Variants in NOTCH1 observed in about 807,000 individuals in gnomAD.
NOTCH1 encodes notch receptor 1, also known as neurogenic locus notch homolog protein 1.
A neutral mutation model predicts 254.8 loss-of-function variants in NOTCH1; 37 were observed. The ratio of observed to expected loss-of-function variants is 0.15; its 90% CI spans 0.11 to 0.19. NOTCH1 has a LOEUF of 0.19. NOTCH1 is among the 10% of genes least tolerant of loss of function. The probability of loss-of-function intolerance (pLI) is 1.00; values close to 1 mark genes in which losing one functional copy is unlikely to be tolerated. For missense variants in NOTCH1, 2,972 were observed against 3,708.6 expected (o/e 0.80, Z 5.16); for synonymous variants, 1,731 against 1,618.1 (o/e 1.07, Z -1.68).
chr9:136,513,137 G>A lies in NOTCH1; in HGVS notation c.2354-3C>T, dbSNP rs111351250. 1 of 1,609,258 alleles carries A rather than the reference G, an allele frequency of 6.2e-7. No individual in the cohort carries two copies. On this transcript the variant is annotated splice_polypyrimidine_tract_variant and splice_region_variant and intron_variant, in intron 14 of 33. Transcript: ENST00000651671. This position sits in a 1 kb window ranked among gnomAD's most constrained non-coding sequence, Gnocchi z 4.7. ...GATGTTGGTCTGGCAGTTGGGACCT[G>A]GAGGGAAGGGGACAGCACTCGGCAT...
Position 136,523,906 on chromosome 9 carries a change from C to T in NOTCH1, c.214G>A (p.Gly72Arg), listed in dbSNP as rs892114222. The T allele has an allele frequency of 4.4e-6, 7 of 1,604,640 alleles. No homozygotes were observed. The highest frequency in any genetic ancestry group is 1.1e-5 in the South Asian group (1 of 89,596). The change falls in exon 3 of 34, where the codon GGG becomes AGG. Residue 72 changes from glycine to arginine, a missense_variant. This residue lies in a region of NOTCH1 where 374 missense variants were observed against 496.3 expected (regional missense o/e 0.75). Coordinates refer to ENST00000651671, the MANE Select transcript of NOTCH1 (RefSeq NM_017617.5). The stretch of plus-strand genomic sequence containing the variant: ...CTGCGGTCCACCACGTGGCATGTCC[C>T]GGCGTTCTTGCAGGGGGTGCTGAGG... ...PCLSTPCKNA[G>R]TCHVVDRRGV...
rs1842904609 is a variant in NOTCH1, at chr9:136,495,741, T to C, written c.*330A>G. 2 of 410,590 alleles carry C rather than the reference T, an allele frequency of 4.9e-6. No individual in the cohort carries two copies. The highest frequency in any genetic ancestry group is 8.6e-6 in the Non-Finnish European group (2 of 232,270). 25.4% of individuals were successfully genotyped at this position (410,590 alleles called of 1,614,324 possible). ...ATAAATAAATGGCATTTATAAATCA[T>C]GAATCTTTGTTTATATTTTATAAAC... On this transcript the variant is annotated 3_prime_UTR_variant, in exon 34 of 34. Transcript: ENST00000651671.
At chr9:136,507,108 C>T (rs371395062) in intron 22 of NOTCH1, 135 bp from the exon 23 acceptor site, 3 of 1,463,078 alleles carry the variant, frequency 2.1e-6, no homozygotes, top group Non-Finnish European at 1.9e-6. Flanking sequence ...TCAAGGGTGC[C>T]GTGGAGACGC....
chr9:136,523,844 G>A lies in NOTCH1; in HGVS notation c.276C>T (p.Gly92=), dbSNP rs751046060. ...VADYACSCAL[G]FSGPLCLTPL... is the part of the protein sequence containing the mutation. ...GTGTCAGGCAGAGGGGCCCAGAGAA[G>A]CCCAGGGCACAGCTGCAGGCATAGT... The change falls in exon 3 of 34, where the codon GGC becomes GGT. Residue 92 remains glycine, a synonymous_variant. Coordinates refer to ENST00000651671, the MANE Select transcript of NOTCH1 (RefSeq NM_017617.5). 2 of 1,611,986 alleles carry A rather than the reference G, an allele frequency of 1.2e-6. No homozygotes were observed. The highest frequency in any genetic ancestry group is 1.1e-5 in the South Asian group (1 of 90,920).
chr9:136,497,024 C>T lies in NOTCH1; in HGVS notation c.6715G>A (p.Asp2239Asn), dbSNP rs747504082. ...AGGTGCCCGATGCCCAGGTGGGTGT[C>T]GGGCATCCCAGGCAGGTGGTTGAGG... ...VPLNHLPGMP[D>N]THLGIGHLNV... The change falls in exon 34 of 34, where the codon GAC (aspartate) becomes AAC (asparagine). Residue 2239 changes from aspartate (D) to asparagine (N), a missense_variant. By Grantham distance (23) the Asp-to-Asn change is conservative. Coordinates refer to ENST00000651671, the MANE Select transcript of NOTCH1 (RefSeq NM_017617.5). 29 of 1,609,294 alleles carry T rather than the reference C, an allele frequency of 1.8e-5. No individual in the cohort carries two copies. The highest frequency in any genetic ancestry group is 1.1e-4 in the East Asian group (5 of 44,812).
chr9:136,528,086 G>A (rs914664980), intron 2 of NOTCH1, among the ~76,000 whole-genome samples: 3 of 151,910 alleles, frequency 2.0e-5, no homozygotes, highest in Non-Finnish European at 4.4e-5. Context: ...ACCCCCAGGG[G>A]ACAGAAGACA....
At position 136,517,392 on chromosome 9, in the gene NOTCH1, G is replaced by A. The variant is rs1410661374; in HGVS notation, c.1442-7C>T. ...CAGTGCACACCCTCGTAGCCTGTGGGGTGGGGCAACAGTGAGGGGGGCACG... is the reference window on the plus strand; with the variant it reads ...CAGTGCACACCCTCGTAGCCTGTGGAGTGGGGCAACAGTGAGGGGGGCACG... On this transcript the variant is annotated splice_polypyrimidine_tract_variant and splice_region_variant and intron_variant, in intron 8 of 33. Transcript: ENST00000651671. 1.9e-6 allele frequency: 3 copies of A among 1,580,372 alleles called. No individual in the cohort carries two copies. Among genetic ancestry groups the A allele is most frequent in the African/African-American group, 1.4e-5 (1 of 74,046 alleles).
chr9:136,501,810 G>A lies in NOTCH1; in HGVS notation c.5576C>T (p.Ala1859Val), dbSNP rs1266401977. 2.5e-6 allele frequency: 4 copies of A among 1,612,640 alleles called. No individual in the cohort carries two copies. In the East Asian group the frequency reaches 6.7e-5, roughly 27 times the overall value. Reference protein sequence around the residue: ...DAADLRMSAMAPTPPQGEVDA... With the variant: ...DAADLRMSAMVPTPPQGEVDA... The stretch of plus-strand genomic sequence containing the variant: ...AACCTCACCCTGGGGCGGTGTGGGG[G>A]CCATGGCAGACATGCGCAGGTCAGC... The change falls in exon 30 of 34, where the codon GCC becomes GTC. Residue 1859 changes from alanine (A) to valine (V), a missense_variant. This residue lies in a region of NOTCH1 where 421 missense variants were observed against 604.4 expected (regional missense o/e 0.70). Transcript: ENST00000651671.
rs561404862 is a variant in NOTCH1, at chr9:136,506,706, C to T, written c.3901+10G>A. ...CCCACACGCCCCACCCGCCTGGGCG[C>T]GGCACCCACCGGTGTGACCAGCACG... is the stretch of plus-strand genomic sequence containing the variant. On this transcript the variant is annotated intron_variant, in intron 23 of 33. Coordinates refer to ENST00000651671, the MANE Select transcript of NOTCH1 (RefSeq NM_017617.5). This position sits in a 1 kb window ranked among gnomAD's most constrained non-coding sequence, Gnocchi z 4.5. 2.5e-5 allele frequency: 40 copies of T among 1,595,908 alleles called. No individual in the cohort carries two copies. Among genetic ancestry groups the T allele is most frequent in the East Asian group, 6.8e-5 (3 of 43,988 alleles).
intron 15 of NOTCH1, among the ~76,000 whole-genome samples, chr9:136,512,804 C>A (rs1272058291): frequency 6.6e-6 from 1 of 152,292 alleles, no homozygotes; most frequent in South Asian, 2.1e-4. Flanking sequence ...AGAAGGCCCA[C>A]ATACTGCAGG....
chr9:136,538,049 C>T (rs1044884369), intron 2 of NOTCH1, among the ~76,000 whole-genome samples: 1 of 152,186 alleles, frequency 6.6e-6, no homozygotes, highest in Non-Finnish European at 1.5e-5. Flanking sequence ...CACTCTAATC[C>T]AGTCTGGGTG....
rs780769573 is a variant in NOTCH1, at chr9:136,518,156, G to A, written c.1236C>T (p.Asp412=). Reference sequence around the variant, plus strand: ...ACCTACCCAGCGAGCACTCATCCACGTCCTGGCTGCAGGCCGGGCCCGTGT... The same window carrying A: ...ACCTACCCAGCGAGCACTCATCCACATCCTGGCTGCAGGCCGGGCCCGTGT... The part of the protein sequence containing the change: ...SGYTGPACSQ[D]VDECSLGANP... The change falls in exon 7 of 34, where the codon GAC becomes GAT. Residue 412 remains aspartate, a synonymous_variant. Coordinates refer to ENST00000651671, the MANE Select transcript of NOTCH1 (RefSeq NM_017617.5). 16 of 1,593,238 alleles carry A rather than the reference G, an allele frequency of 1.0e-5. No homozygotes were observed. Among genetic ancestry groups the A allele is most frequent in the African/African-American group, 8.0e-5 (6 of 74,542 alleles).
At chr9:136,516,151 G>A in intron 9 of NOTCH1, 57 bp from the exon 10 acceptor site, 10 of 1,346,330 alleles carry the variant, frequency 7.4e-6, no homozygotes, top group Non-Finnish European at 1.0e-5. Context: ...TGGCCCTTCA[G>A]GGACCCCTGG....
Position 136,506,527 on chromosome 9 carries a change from C to A in NOTCH1, c.4014G>T (p.Ala1338=), listed in dbSNP as rs377217445. The stretch of plus-strand genomic sequence containing the variant: ...TGCCTCCCTGCACCCCTGCACCTAC[C>A]GCAGGGCACTTGCAGATGAACCCGC... ...TARGFICKCP[A]GFEGATCEND... Residue 1338 remains alanine (A), a splice_region_variant and synonymous_variant, in exon 24 of 34, where the codon GCG becomes GCT. Transcript: ENST00000651671. The surrounding 1 kb of genome is among the most constrained non-coding windows in gnomAD (Gnocchi z 4.5). 2 of 1,593,012 alleles carry A rather than the reference C, an allele frequency of 1.3e-6. No individual in the cohort carries two copies. The highest frequency in any genetic ancestry group is 1.7e-5 in the Admixed American group (1 of 57,306).
At chr9:136,542,544 C>CAAAAA (rs1174860714) in intron 2 of NOTCH1, among the ~76,000 whole-genome samples, 1 of 52,498 alleles carries the variant, frequency 1.9e-5, no homozygotes, top group Non-Finnish European at 4.2e-5. Flanking sequence ...CCCCAAAAAG[C>CAAAAA]AAAAAAAAAA....
chr9:136,500,490 T>G, intron 31 of NOTCH1, 62 bp downstream of exon 31: 1 of 1,592,312 alleles, frequency 6.3e-7, no homozygotes, highest in South Asian at 1.1e-5. Context: ...GCCTGGCCAC[T>G]GCCCCAGACC....
intron 33 of NOTCH1, 112 bp from the exon 34 acceptor site, chr9:136,497,670 G>A: frequency 2.3e-6 from 2 of 873,754 alleles, no homozygotes; most frequent in Non-Finnish European, 3.4e-6. Context: ...CGGGGTGGGG[G>A]CAGGCAGGCT....
At chr9:136,522,737 C>T (rs1843392259) in intron 4 of NOTCH1, 113 bp downstream of exon 4, 6 of 1,068,936 alleles carry the variant, frequency 5.6e-6, no homozygotes, top group Non-Finnish European at 7.8e-6. Context: ...GCCTTCCCAA[C>T]TCCCCGCCAT....
intron 2 of NOTCH1, among the ~76,000 whole-genome samples, chr9:136,525,363 C>T (rs954871753): frequency 1.2e-4 from 18 of 152,246 alleles, no homozygotes; most frequent in Admixed American, 7.8e-4. Flanking sequence ...CATAAATCTC[C>T]GGCCCCAGTC....
Sources: gnomAD v4.1 joint callset for allele counts (sites outside exome capture counted in the v4.1 genomes callset) on GRCh38, gnomAD v4.1.1 for gene constraint, gnomAD v4.1.1 regional missense constraint, Gnocchi (gnomAD v3.1) non-coding constraint, MANE v1.5 for transcripts, NCBI Gene and HGNC (gene_info 2026-07-23, HGNC 2026-07-21) for gene names.